Variants in TNS1 observed in about 807,000 individuals in gnomAD.
TNS1 encodes tensin-1.
In TNS1, 62 loss-of-function variants were observed where a neutral mutation model predicts 168.6. That is an observed-to-expected ratio of 0.37 (90% CI 0.30 to 0.45). TNS1 has a LOEUF of 0.45. Among genes scored for constraint, TNS1 ranks in the 20% least tolerant of loss-of-function variants. The pLI, the probability that TNS1 is intolerant of heterozygous loss-of-function variation, is 1.00. For missense variants in TNS1, 2,240 were observed against 2,339.4 expected, an observed-to-expected ratio of 0.96 and a Z score of 0.88; for synonymous variants, 934 against 933.2, an observed-to-expected ratio of 1.00 and a Z score of -0.02.
At chr2:217,820,980 GC>G (rs1219587572) in intron 23 of TNS1, among the ~76,000 whole-genome samples, 1 of 152,190 alleles carries the variant, frequency 6.6e-6, no homozygotes, top group Non-Finnish European at 1.5e-5. Context: ...TCCCTGCTGG[GC>G]TGTCCTTCTG....
rs529883754 is a variant in TNS1 at position 217,882,337 on chromosome 2, G to A, written c.1312+9C>T. 2.3e-5 allele frequency: 36 copies of A among 1,585,588 alleles called. No homozygotes were observed. The East Asian group carries it at 5.2e-4, about 23-fold the overall frequency. On this transcript the variant is annotated intron_variant, in intron 17 of 32. Coordinates refer to ENST00000682258, the MANE Select transcript of TNS1 (RefSeq NM_001387777.1). ...GGAGTGAGAGAATGAATTCTAACTC[G>A]GCTTATACCTTGAATTTTCTCTGGC...
At position 217,818,633 on chromosome 2, in the gene TNS1, T is replaced by C; in HGVS notation, c.3699A>G (p.Arg1233=). 1 of 1,614,138 alleles carries C rather than the reference T, an allele frequency of 6.2e-7. No individual in the cohort carries two copies. Residue 1233 remains arginine, a synonymous_variant, in exon 24 of 33, where the codon AGA becomes AGG. Coordinates refer to ENST00000682258, the MANE Select transcript of TNS1 (RefSeq NM_001387777.1). ...SLGQPSPSAQ[R]NYQSSSPLPT... is the part of the protein sequence containing the mutation. ...GGAGAGGAGAAGAGCTCTGGTAGTTTCTCTGGGCAGACGGGCTGGGCTGTC... is the reference window on the plus strand; with the variant it reads ...GGAGAGGAGAAGAGCTCTGGTAGTTCCTCTGGGCAGACGGGCTGGGCTGTC...
In TNS1 at chr2:217,809,975, G is replaced by A. The variant is rs770860196; in HGVS notation, c.5121C>T (p.Phe1707=). ...GTGACTCCATGTCCACAGAGTTGAC[G>A]AAGAGCACATTGCAGGCTGGAAGAA... The part of the protein sequence containing the change: ...LKQGAACNVL[F]VNSVDMESLT... The change falls in exon 30 of 33, where the codon TTC becomes TTT. Residue 1707 remains phenylalanine (F), a synonymous_variant. Coordinates refer to ENST00000682258, the MANE Select transcript of TNS1 (RefSeq NM_001387777.1). 7.4e-6 allele frequency: 12 copies of A among 1,611,762 alleles called. No homozygotes were observed. In the Admixed American group the frequency reaches 1.0e-4, roughly 13 times the overall value.
intron 4 of TNS1, among the ~76,000 whole-genome samples, chr2:217,919,426 C>T (rs919026946): frequency 6.6e-6 from 1 of 152,274 alleles, no homozygotes; most frequent in East Asian, 1.9e-4. Context: ...GACACACCCA[C>T]ACACCTGTAC....
At chr2:217,971,370 T>A (rs142958392) in intron 3 of TNS1, among the ~76,000 whole-genome samples, 44 of 152,346 alleles carry the variant, frequency 2.9e-4, no homozygotes, top group Non-Finnish European at 5.3e-4. Context: ...AGCATGACGT[T>A]TTAGAGGTTC....
intron 32 of TNS1, 35 bp from the exon 33 acceptor site, chr2:217,804,638 G>A (rs1235958452): frequency 1.2e-6 from 2 of 1,611,896 alleles, no homozygotes; most frequent in Middle Eastern, 1.7e-4. Context: ...CATGAGGGAA[G>A]GGCAAGTGGA....
chr2:217,840,130 A>T (rs1418130387), intron 19 of TNS1, among the ~76,000 whole-genome samples: 1 of 152,242 alleles, frequency 6.6e-6, no homozygotes, highest in Admixed American at 6.5e-5. Context: ...GGGACCATGG[A>T]GGCACCAGAT....
intron 32 of TNS1, among the ~76,000 whole-genome samples, chr2:217,806,572 G>C (rs900828922): frequency 6.6e-6 from 1 of 152,190 alleles, no homozygotes; most frequent in Admixed American, 6.5e-5. Flanking sequence ...GTGAGCACAA[G>C]CCCCTTCAAA....
At chr2:217,879,856 G>T (rs1950528627) in intron 18 of TNS1, among the ~76,000 whole-genome samples, 2 of 152,184 alleles carry the variant, frequency 1.3e-5, no homozygotes, top group South Asian at 4.1e-4. Context: ...GGACCCAGGG[G>T]CCCCAGGATG....
At chr2:218,023,942 T>A (rs62182237) in intron 1 of TNS1, among the ~76,000 whole-genome samples, 37,845 of 151,264 alleles carry the variant, frequency 0.25, 5,650 homozygotes, top group East Asian at 0.41. Context: ...CTTCAGAGAG[T>A]GACAAAAGAG....
intron 17 of TNS1, 175 bp from the exon 18 acceptor site, chr2:217,881,189 C>G (rs1950649285): frequency 3.4e-6 from 2 of 588,712 alleles, no homozygotes; most frequent in Non-Finnish European, 6.0e-6. Flanking sequence ...GGACTGAGAA[C>G]TGGGAGTCTA....
rs113035867 is a variant in TNS1, at chr2:217,888,150, C to T, written c.867-1504G>A. ...CAGGCCCCTGCCCCATTACTCAAGC[C>T]GGAAACCTGGAATAGCGGTTCCTAT... On this transcript the variant is annotated intron_variant, in intron 12 of 32. Coordinates refer to ENST00000682258, the MANE Select transcript of TNS1 (RefSeq NM_001387777.1). 2.2e-3 allele frequency among the ~76,000 whole-genome samples: 332 copies of T among 152,324 alleles called. 1 individual carries two copies. The highest frequency in any genetic ancestry group is 7.5e-3 in the African/African-American group (313 of 41,572).
chr2:217,824,354 C>T (rs767430915), intron 22 of TNS1, among the ~76,000 whole-genome samples: 2 of 152,190 alleles, frequency 1.3e-5, no homozygotes, highest in African/African-American at 4.8e-5. Context: ...CTAGACAGGG[C>T]CCATAGGCTC....
chr2:217,846,577 T>G (rs1045219504), intron 19 of TNS1, among the ~76,000 whole-genome samples: 2 of 152,184 alleles, frequency 1.3e-5, no homozygotes, highest in Non-Finnish European at 2.9e-5. Context: ...CAGTCTCTGG[T>G]CCACCCCTGT....
At chr2:217,983,150 T>C (rs1020810722) in intron 2 of TNS1, among the ~76,000 whole-genome samples, 2 of 152,106 alleles carry the variant, frequency 1.3e-5, no homozygotes, top group African/African-American at 4.8e-5. Context: ...GTGACAGGGA[T>C]GCTCACTCCA....
intron 3 of TNS1, among the ~76,000 whole-genome samples, chr2:217,933,338 A>C (rs1376809844): frequency 1.3e-5 from 2 of 152,108 alleles, no homozygotes; most frequent in Non-Finnish European, 2.9e-5. Flanking sequence ...TCAGCTAAAG[A>C]CCCGGTGACC....
At chr2:218,027,658 G>A (rs895345407) in intron 1 of TNS1, among the ~76,000 whole-genome samples, 2 of 152,192 alleles carry the variant, frequency 1.3e-5, no homozygotes, top group African/African-American at 4.8e-5. Context: ...CTTCCCAGAA[G>A]AGGTTGGGGT....
chr2:218,011,831 A>G (rs893801846), upstream of TNS1, among the ~76,000 whole-genome samples: 2 of 152,146 alleles, frequency 1.3e-5, no homozygotes, highest in Admixed American at 1.3e-4. Flanking sequence ...CCTACTGGCG[A>G]GTGGATAGAG....
rs560565007 is a variant in TNS1, at chr2:217,990,932, C to G, written c.148+10G>C. Reference sequence around the variant, plus strand: ...TGCTCCCATCCCCCACAGCCCAGACCGCTGCTCACCTTTGCAGGTGCAGCC... The same window carrying G: ...TGCTCCCATCCCCCACAGCCCAGACGGCTGCTCACCTTTGCAGGTGCAGCC... On this transcript the variant is annotated intron_variant, in intron 2 of 32. Coordinates refer to ENST00000682258, the MANE Select transcript of TNS1 (RefSeq NM_001387777.1). 1 of 640,590 alleles carries G rather than the reference C, an allele frequency of 1.6e-6. No homozygotes were observed. Among genetic ancestry groups the G allele is most frequent in the African/African-American group, 1.8e-5 (1 of 56,246 alleles). The allele number at this position is 640,590 out of a possible 1,614,324, so 39.7% of individuals were successfully genotyped here.
Sources: allele counts gnomAD v4.1 joint callset (sites outside exome capture counted in the v4.1 genomes callset), GRCh38; gene constraint gnomAD v4.1.1; transcripts MANE v1.5; gene names NCBI Gene and HGNC (gene_info 2026-07-23, HGNC 2026-07-21).